The following MSH4 variants were observed in gnomAD, a reference collection of about 807,000 sequenced individuals.
MSH4 encodes the protein mutS protein homolog 4.
In MSH4, 106 loss-of-function variants were observed where a neutral mutation model predicts 113.7. The observed-to-expected ratio is 0.93, with a 90% CI of 0.80 to 1.10. The LOEUF is 1.10. Among genes scored for constraint, MSH4 ranks in the 50% least tolerant of loss-of-function variants. MSH4 has a pLI of 0.00. For missense variants in MSH4, 1,061 were observed against 1,093.7 expected, an observed-to-expected ratio of 0.97 and a Z score of 0.42; for synonymous variants, 368 against 380.2, an observed-to-expected ratio of 0.97 and a Z score of 0.37.
intron 17 of MSH4, among the ~76,000 whole-genome samples, chr1:75,896,346 A>G (rs1048422846): frequency 4.4e-5 from 6 of 137,174 alleles, no homozygotes; most frequent in African/African-American, 1.6e-4. Flanking sequence ...ACACACATAC[A>G]ACACACACAC....
chr1:75,828,797 C>A (rs138170047), intron 7 of MSH4, among the ~76,000 whole-genome samples: 1 of 152,034 alleles, frequency 6.6e-6, no homozygotes, highest in Admixed American at 6.6e-5. Flanking sequence ...CCTGTAAATC[C>A]AAAATAATTT....
At position 75,835,501 on chromosome 1, in the gene MSH4, A is replaced by C. The variant is rs548734618; in HGVS notation, c.1163-12708A>C. Among the ~76,000 whole-genome samples, 13 of 152,182 alleles carry C rather than the reference A, an allele frequency of 8.5e-5. No individual in the cohort carries two copies. The South Asian group carries it at 2.7e-3, about 32-fold the overall frequency. ...GCTCCAACCATTGATACCTTTTTAA[A>C]CTTTCTGCTACCAAATATGCATTTA... On this transcript the variant is annotated intron_variant, in intron 7 of 19. Coordinates refer to ENST00000263187, the MANE Select transcript of MSH4 (RefSeq NM_002440.4).
intron 8 of MSH4, among the ~76,000 whole-genome samples, chr1:75,858,771 C>G (rs751610104): frequency 2.0e-5 from 3 of 152,270 alleles, no homozygotes; most frequent in Non-Finnish European, 2.9e-5. Flanking sequence ...CAGGATGATG[C>G]TGGCCTCATA....
chr1:75,803,217 G>A (rs1049429537), intron 1 of MSH4, among the ~76,000 whole-genome samples: 1 of 152,168 alleles, frequency 6.6e-6, no homozygotes, highest in Non-Finnish European at 1.5e-5. Context: ...TGAACTTGTA[G>A]AGGCAAAAGC....
At chr1:75,819,178 C>T (rs1650354242) in intron 6 of MSH4, among the ~76,000 whole-genome samples, 2 of 152,092 alleles carry the variant, frequency 1.3e-5, no homozygotes, top group African/African-American at 4.8e-5. Context: ...TCTTCAGTCA[C>T]GGCCAGTAAA....
At chr1:75,859,933 A>G (rs113769507) in intron 8 of MSH4, among the ~76,000 whole-genome samples, 3,303 of 152,152 alleles carry the variant, frequency 0.022, 126 homozygotes, top group African/African-American at 0.076. Context: ...TGCTTTATGA[A>G]TCTGGGTGCT....
intron 19 of MSH4, among the ~76,000 whole-genome samples, chr1:75,901,469 C>T (rs1652504468): frequency 6.6e-6 from 1 of 152,102 alleles, no homozygotes; most frequent in Non-Finnish European, 1.5e-5. Context: ...ATCCATGTTG[C>T]TACAAATGCA....
At chr1:75,902,673 G>A (rs942888881) in intron 19 of MSH4, among the ~76,000 whole-genome samples, 21 of 90,218 alleles carry the variant, frequency 2.3e-4, no homozygotes, top group East Asian at 1.9e-3. Flanking sequence ...ATATGTGTAT[G>A]TATATATATA....
Position 75,886,575 on chromosome 1 carries a change from TATGTATA to T in MSH4, c.2108-2673_2108-2667del. Among the ~76,000 whole-genome samples the T allele has an allele frequency of 2.7e-5, 3 of 111,866 alleles. No individual in the cohort carries two copies. The South Asian group carries it at 7.8e-4, about 29-fold the overall frequency. The allele number at this position is 111,866 out of a possible 152,430, so 73.4% of individuals were successfully genotyped here. A position where few individuals can be genotyped will look rare whatever the true frequency, so the allele number is the denominator to read the frequency against. On this transcript the variant is annotated intron_variant, in intron 15 of 19. Coordinates refer to ENST00000263187, the MANE Select transcript of MSH4 (RefSeq NM_002440.4). ...ATACGATGTATTATATGCAAGTTAT[TATGTATA>T]ATATATAATGTATTATATATTATAT... is the stretch of plus-strand genomic sequence containing the variant.
At chr1:75,802,105 G>C (rs556423726) in intron 1 of MSH4, among the ~76,000 whole-genome samples, 121 of 152,278 alleles carry the variant, frequency 7.9e-4, no homozygotes, top group Middle Eastern at 3.4e-3. Flanking sequence ...GGAGTTCAAG[G>C]CTGCATTTAG....
chr1:75,888,469 T>G (rs1652175654), intron 15 of MSH4, among the ~76,000 whole-genome samples: 1 of 152,024 alleles, frequency 6.6e-6, no homozygotes, highest in Admixed American at 6.6e-5. Context: ...CACCTTTTTT[T>G]TCTTTTTATT....
At chr1:75,881,708 C>T (rs1262495983) in intron 14 of MSH4, among the ~76,000 whole-genome samples, 2 of 151,898 alleles carry the variant, frequency 1.3e-5, no homozygotes, top group East Asian at 3.8e-4. Flanking sequence ...TTAGAAGCAG[C>T]GTGATAAACG....
intron 16 of MSH4, 51 bp from the exon 17 acceptor site, chr1:75,890,645 A>C: frequency 1.0e-6 from 1 of 973,018 alleles, no homozygotes; most frequent in African/African-American, 1.7e-5. Context: ...TTCCTGTGAT[A>C]TTGACAGCTG....
At chr1:75,808,137 G>A (rs1224310372) in intron 3 of MSH4, among the ~76,000 whole-genome samples, 1 of 152,186 alleles carries the variant, frequency 6.6e-6, no homozygotes, top group Non-Finnish European at 1.5e-5. Context: ...TCAGGCAACT[G>A]TGTATGTGGT....
intron 9 of MSH4, among the ~76,000 whole-genome samples, chr1:75,869,602 A>G (rs1018258296): frequency 3.3e-5 from 5 of 152,110 alleles, no homozygotes; most frequent in African/African-American, 1.2e-4. Context: ...TGCTCCAGCT[A>G]TGGCTAAAAG....
intron 7 of MSH4, among the ~76,000 whole-genome samples, chr1:75,827,415 A>G (rs1650577894): frequency 6.6e-6 from 1 of 152,210 alleles, no homozygotes; most frequent in Admixed American, 6.6e-5. Context: ...AACACAGTGA[A>G]GAAACTGCAT....
At chr1:75,825,931 T>C (rs1435125779) in intron 7 of MSH4, among the ~76,000 whole-genome samples, 1 of 152,162 alleles carries the variant, frequency 6.6e-6, no homozygotes, top group Non-Finnish European at 1.5e-5. Flanking sequence ...TTTTCTTTTT[T>C]TGTTGTGTCT....
chr1:75,810,940 C>T (rs543413470), intron 4 of MSH4, 133 bp downstream of exon 4: 12 of 409,290 alleles, frequency 2.9e-5, no homozygotes, highest in African/African-American at 1.1e-4. Flanking sequence ...GGCGTGATCT[C>T]GGCTTACTGC....
intron 8 of MSH4, among the ~76,000 whole-genome samples, chr1:75,852,023 C>G (rs1570967375): frequency 6.6e-6 from 1 of 152,254 alleles, no homozygotes; most frequent in South Asian, 2.1e-4. Context: ...CTAGCAATAA[C>G]TTCCCATTCC....
Sources: gnomAD v4.1 joint callset for allele counts (sites outside exome capture counted in the v4.1 genomes callset) on GRCh38, gnomAD v4.1.1 for gene constraint, MANE v1.5 for transcripts, NCBI Gene and HGNC (gene_info 2026-07-23, HGNC 2026-07-21) for gene names.